The following ST3GAL3 variants were observed in gnomAD, a reference collection of about 807,000 sequenced individuals.
ST3GAL3 encodes CMP-N-acetylneuraminate-beta-1,4-galactoside alpha-2,3-sialyltransferase.
ST3GAL3 carries 21 observed loss-of-function variants against 50.1 expected under a neutral mutation model. The ratio of observed to expected loss-of-function variants is 0.42; its 90% CI spans 0.30 to 0.60. The LOEUF is 0.60. ST3GAL3 is among the 20% of genes least tolerant of loss of function. The pLI is 0.19. For missense variants in ST3GAL3, 353 were observed against 489.4 expected (o/e 0.72, Z 2.63); for synonymous variants, 183 against 190.0 (o/e 0.96, Z 0.30).
intron 1 of ST3GAL3, among the ~76,000 whole-genome samples, chr1:43,725,737 C>A (rs1672650686): frequency 6.6e-6 from 1 of 152,130 alleles, no homozygotes; most frequent in Non-Finnish European, 1.5e-5. Context: ...GCCTCCACTT[C>A]CCAGTCTTAA....
intron 11 of ST3GAL3, chr1:43,921,903 A>G (rs575790820): frequency 7.5e-6 from 3 of 397,596 alleles, no homozygotes; most frequent in Non-Finnish European, 1.3e-5. Flanking sequence ...AAGGTGGCCA[A>G]TTCCAGTGGA....
At chr1:43,868,378 C>G (rs2071832307) in intron 5 of ST3GAL3, among the ~76,000 whole-genome samples, 1 of 152,200 alleles carries the variant, frequency 6.6e-6, no homozygotes, top group Admixed American at 6.5e-5. Flanking sequence ...TTTCTCTGGC[C>G]TCTGTTTCTT....
chr1:43,762,276 A>G, intron 2 of ST3GAL3, among the ~76,000 whole-genome samples: 1 of 151,272 alleles, frequency 6.6e-6, no homozygotes, highest in African/African-American at 2.4e-5. Context: ...AAAAAAAAAA[A>G]AAGAAAGAAA....
At chr1:43,781,726 C>T (rs756239476) in intron 2 of ST3GAL3, among the ~76,000 whole-genome samples, 23 of 152,138 alleles carry the variant, frequency 1.5e-4, no homozygotes, top group Non-Finnish European at 2.5e-4. Flanking sequence ...TTACTGTCCA[C>T]CTACAGAGAA....
chr1:43,920,672 A>T, intron 10 of ST3GAL3, 110 bp from the exon 11 acceptor site: 1 of 1,606,916 alleles, frequency 6.2e-7, no homozygotes, highest in Non-Finnish European at 8.5e-7. Context: ...AAGAGGGCTC[A>T]GTCCTTGGGC....
chr1:43,777,537 G>A (rs1697752375), intron 2 of ST3GAL3, among the ~76,000 whole-genome samples: 1 of 152,098 alleles, frequency 6.6e-6, no homozygotes. Flanking sequence ...ATGATGCTGG[G>A]AGAACTGGCT....
At chr1:43,716,013 T>C (rs533934163) in intron 1 of ST3GAL3, among the ~76,000 whole-genome samples, 92 of 152,344 alleles carry the variant, frequency 6.0e-4, no homozygotes, top group African/African-American at 2.1e-3. Context: ...TGAGAACTGC[T>C]GGTATATAGT....
chr1:43,715,401 T>C (rs474273), intron 1 of ST3GAL3, among the ~76,000 whole-genome samples: 151,884 of 152,238 alleles, frequency 1, 75,766 homozygotes, highest in Middle Eastern at 1. Flanking sequence ...TAGTGAAACT[T>C]CATATCTACC....
intron 5 of ST3GAL3, chr1:43,858,228 G>T (rs1384748823): frequency 1.6e-6 from 2 of 1,289,326 alleles, no homozygotes; most frequent in Non-Finnish European, 2.0e-6. Flanking sequence ...CACAGAGAAG[G>T]CCCTTCAGCT....
At chr1:43,748,774 G>A (rs1447646502) in intron 2 of ST3GAL3, among the ~76,000 whole-genome samples, 1 of 151,928 alleles carries the variant, frequency 6.6e-6, no homozygotes, top group Non-Finnish European at 1.5e-5. Flanking sequence ...TTGAGTTGTT[G>A]CCCAGGTTGG....
At chr1:43,925,920 C>T (rs60519179) in intron 11 of ST3GAL3, among the ~76,000 whole-genome samples, 10,536 of 152,194 alleles carry the variant, frequency 0.069, 1,214 homozygotes, top group African/African-American at 0.24. Flanking sequence ...TAACTGCTGA[C>T]TGTGGTGAGA....
At chr1:43,895,281 A>G (rs1349410854) in intron 6 of ST3GAL3, among the ~76,000 whole-genome samples, 9 of 151,686 alleles carry the variant, frequency 5.9e-5, no homozygotes, top group African/African-American at 1.9e-4. Flanking sequence ...TTTCCCCTAC[A>G]CTCTCACAAA....
chr1:43,831,657 C>G (rs2063563788), intron 4 of ST3GAL3: 1 of 152,230 alleles, frequency 6.6e-6, no homozygotes, highest in Non-Finnish European at 1.5e-5. Context: ...TTCTCCAGTA[C>G]CATTCAGCTC....
chr1:43,711,855 A>G (rs1664936548), intron 1 of ST3GAL3, among the ~76,000 whole-genome samples: 1 of 152,262 alleles, frequency 6.6e-6, no homozygotes, highest in African/African-American at 2.4e-5. Context: ...TCAATTTATA[A>G]GAAATTGGGA....
intron 5 of ST3GAL3, among the ~76,000 whole-genome samples, chr1:43,880,336 C>T (rs1167543557): frequency 2.6e-5 from 4 of 152,160 alleles, no homozygotes; most frequent in Non-Finnish European, 5.9e-5. Flanking sequence ...GGAAAAGAGT[C>T]GATGTGGTGA....
chr1:43,732,012 C>T (rs904601921), intron 1 of ST3GAL3, among the ~76,000 whole-genome samples: 11 of 152,086 alleles, frequency 7.2e-5, no homozygotes, highest in Non-Finnish European at 1.2e-4. Flanking sequence ...TTGTCATCTT[C>T]GTTTGTTGTT....
chr1:43,825,253 T>C (rs2062634522), intron 4 of ST3GAL3, among the ~76,000 whole-genome samples: 1 of 152,238 alleles, frequency 6.6e-6, no homozygotes, highest in African/African-American at 2.4e-5. Flanking sequence ...GAATTGCGGC[T>C]ACTTTCTTTT....
intron 3 of ST3GAL3, among the ~76,000 whole-genome samples, chr1:43,800,941 C>T (rs2059247548): frequency 6.6e-6 from 1 of 152,130 alleles, no homozygotes; most frequent in African/African-American, 2.4e-5. Flanking sequence ...GCTGTTTTGG[C>T]TAGGGTAGGT....
chr1:43,924,015 G>T (rs1402251621), intron 11 of ST3GAL3, among the ~76,000 whole-genome samples: 1 of 152,064 alleles, frequency 6.6e-6, no homozygotes, highest in Non-Finnish European at 1.5e-5. Context: ...TTACATTGGG[G>T]GTTAGGTTTC....
Sources: gnomAD v4.1 joint callset for allele counts (sites outside exome capture counted in the v4.1 genomes callset) on GRCh38, gnomAD v4.1.1 for gene constraint, MANE v1.5 for transcripts, NCBI Gene and HGNC (gene_info 2026-07-23, HGNC 2026-07-21) for gene names.